Variants in MCTP1 observed in about 807,000 individuals in gnomAD.
MCTP1 encodes the protein multiple C2 and transmembrane domain containing 1, also known as multiple C2 and transmembrane domain-containing protein 1.
Under a neutral mutation model 120.6 loss-of-function variants are expected in MCTP1, and 69 were observed. The ratio of observed to expected loss-of-function variants is 0.57; its 90% CI spans 0.47 to 0.70. The LOEUF (loss-of-function observed/expected upper bound fraction) is 0.70, where lower values mean the gene tolerates loss of function less well. Ranked by LOEUF, MCTP1 falls within the 30% of genes least tolerant of loss-of-function variation. The probability of loss-of-function intolerance (pLI) is 0.00; values close to 1 mark genes in which losing one functional copy is unlikely to be tolerated. For missense variants in MCTP1, 1,203 were observed against 1,248.8 expected, an observed-to-expected ratio of 0.96 and a Z score of 0.55; for synonymous variants, 529 against 493.1, an observed-to-expected ratio of 1.07 and a Z score of -0.96.
intron 1 of MCTP1, among the ~76,000 whole-genome samples, chr5:95,213,208 A>G (rs1752612783): frequency 6.6e-6 from 1 of 152,214 alleles, no homozygotes; most frequent in Non-Finnish European, 1.5e-5. Context: ...AAGCATTGTT[A>G]TACACCAGTA....
intron 1 of MCTP1, among the ~76,000 whole-genome samples, chr5:95,207,628 G>C (rs765064031): frequency 6.6e-6 from 1 of 152,100 alleles, no homozygotes; most frequent in Non-Finnish European, 1.5e-5. Flanking sequence ...AGAGGTAAGT[G>C]CAAGTTCTCA....
intron 1 of MCTP1, among the ~76,000 whole-genome samples, chr5:95,032,771 T>C (rs1475242092): frequency 2.0e-5 from 3 of 151,522 alleles, no homozygotes; most frequent in Middle Eastern, 3.4e-3. Flanking sequence ...AGCAAAAAAA[T>C]TATGCAAAGG....
At chr5:95,058,270 G>GA (rs1747959223) in intron 1 of MCTP1, among the ~76,000 whole-genome samples, 1 of 152,194 alleles carries the variant, frequency 6.6e-6, no homozygotes, top group Non-Finnish European at 1.5e-5. Context: ...AAATACTGCA[G>GA]AAGAATACAT....
chr5:94,711,051 G>T, intron 20 of MCTP1, 124 bp from the exon 21 acceptor site: 1 of 713,148 alleles, frequency 1.4e-6, no homozygotes, highest in Non-Finnish European at 2.4e-6. Context: ...GATTCCAATT[G>T]TAATAGGTTA....
intron 2 of MCTP1, among the ~76,000 whole-genome samples, chr5:94,961,948 T>G (rs1824333446): frequency 6.6e-6 from 1 of 152,134 alleles, no homozygotes; most frequent in Non-Finnish European, 1.5e-5. Flanking sequence ...TATTAGTCCT[T>G]TGCCAGATAT....
chr5:95,211,332 C>G (rs2152567664), intron 1 of MCTP1, among the ~76,000 whole-genome samples: 1 of 152,146 alleles, frequency 6.6e-6, no homozygotes, highest in East Asian at 1.9e-4. Flanking sequence ...TAGATTTGGT[C>G]TTTTCACATA....
intron 22 of MCTP1, 33 bp from the exon 23 acceptor site, chr5:94,707,600 AG>A: frequency 6.5e-7 from 1 of 1,538,658 alleles, no homozygotes; most frequent in South Asian, 1.1e-5. Context: ...AAGACTGGTC[AG>A]GTGGCCACTT....
At chr5:94,915,840 C>G (rs919832408) in intron 8 of MCTP1, among the ~76,000 whole-genome samples, 1 of 151,940 alleles carries the variant, frequency 6.6e-6, no homozygotes, top group Non-Finnish European at 1.5e-5. Context: ...ATAAAATGAA[C>G]ATAATAGAGA....
At chr5:94,985,806 C>T (rs987197386) in intron 2 of MCTP1, among the ~76,000 whole-genome samples, 6 of 152,120 alleles carry the variant, frequency 3.9e-5, no homozygotes. Context: ...GTGTCTATTA[C>T]ACTGTTTAAT....
intron 7 of MCTP1, among the ~76,000 whole-genome samples, chr5:94,919,965 A>T (rs551661034): frequency 1.3e-5 from 2 of 152,376 alleles, no homozygotes; most frequent in Non-Finnish European, 2.9e-5. Flanking sequence ...TACTGGCACC[A>T]TAATCCTTAG....
intron 1 of MCTP1, among the ~76,000 whole-genome samples, chr5:95,214,782 G>C (rs1004763313): frequency 6.8e-6 from 1 of 148,014 alleles, no homozygotes. Context: ...ACCAAACACT[G>C]CATGTTCTCA....
chr5:94,769,023 G>A (rs781297559), intron 19 of MCTP1, among the ~76,000 whole-genome samples: 7 of 152,104 alleles, frequency 4.6e-5, no homozygotes, highest in Admixed American at 3.3e-4. Flanking sequence ...AGCAAATGTG[G>A]TACATATGTA....
rs200705052 is a variant in MCTP1 at position 95,017,364 on chromosome 5, T to C, written c.838+3A>G. On this transcript the variant is annotated splice_donor_region_variant and intron_variant, in intron 2 of 22. Coordinates refer to ENST00000515393, the MANE Select transcript of MCTP1 (RefSeq NM_024717.7). Reference sequence around the variant, plus strand: ...CTAGGTGATATTGCTCTTATGCTCTTACCTCCTCGATCTCGAGCAGCTAAA... The same window carrying C: ...CTAGGTGATATTGCTCTTATGCTCTCACCTCCTCGATCTCGAGCAGCTAAA... 9 of 1,591,376 alleles carry C rather than the reference T, an allele frequency of 5.7e-6. No individual in the cohort carries two copies. The highest frequency in any genetic ancestry group is 6.9e-6 in the Non-Finnish European group (8 of 1,163,302).
intron 1 of MCTP1, among the ~76,000 whole-genome samples, chr5:95,157,613 A>G (rs1205734676): frequency 6.6e-6 from 1 of 152,242 alleles, no homozygotes; most frequent in African/African-American, 2.4e-5. Flanking sequence ...CAAGGGATAA[A>G]CAACTAAATA....
intron 1 of MCTP1, among the ~76,000 whole-genome samples, chr5:95,202,620 TC>T (rs1751189896): frequency 6.6e-6 from 1 of 152,228 alleles, no homozygotes; most frequent in South Asian, 2.1e-4. Context: ...TGATGAAATT[TC>T]CCCTAGAAAG....
chr5:94,772,218 C>T (rs558149199), intron 19 of MCTP1, among the ~76,000 whole-genome samples: 2 of 152,246 alleles, frequency 1.3e-5, no homozygotes, highest in East Asian at 3.9e-4. Context: ...CCCTTGTAGA[C>T]CGCCCTGTGG....
intron 1 of MCTP1, among the ~76,000 whole-genome samples, chr5:95,062,331 C>T (rs72779407): frequency 0.055 from 8,328 of 152,164 alleles, 302 homozygotes; most frequent in Middle Eastern, 0.061. Flanking sequence ...GCTGGGAAAA[C>T]CCATCACATT....
chr5:94,729,647 T>C (rs1459251380), intron 19 of MCTP1, among the ~76,000 whole-genome samples: 2 of 151,982 alleles, frequency 1.3e-5, no homozygotes, highest in Non-Finnish European at 2.9e-5. Context: ...AAGATAACAA[T>C]GATGGGAAGG....
At chr5:94,811,712 C>T (rs950152224) in intron 17 of MCTP1, among the ~76,000 whole-genome samples, 6 of 152,102 alleles carry the variant, frequency 3.9e-5, no homozygotes, top group African/African-American at 1.2e-4. Flanking sequence ...AACAGATGAG[C>T]GCATTGTAAT....
Sources: gnomAD v4.1 joint callset for allele counts (sites outside exome capture counted in the v4.1 genomes callset) on GRCh38, gnomAD v4.1.1 for gene constraint, MANE v1.5 for transcripts, NCBI Gene and HGNC (gene_info 2026-07-23, HGNC 2026-07-21) for gene names.